The following OXR1 variants were observed in gnomAD, a reference collection of about 807,000 sequenced individuals.
OXR1 encodes oxidation resistance protein 1.
A neutral mutation model predicts 104.6 loss-of-function variants in OXR1; 41 were observed. The observed-to-expected ratio is 0.39, with a 90% confidence interval of 0.31 to 0.51. The LOEUF is 0.51. OXR1 is among the 20% of genes least tolerant of loss of function. OXR1 has a pLI of 0.77. For missense variants in OXR1, 955 were observed against 1,031.9 expected (o/e 0.93, Z 1.02); for synonymous variants, 348 against 348.4 (o/e 1.00, Z 0.01).
chr8:106,438,783 C>T (rs939008576), intron 2 of OXR1, among the ~76,000 whole-genome samples: 5 of 152,044 alleles, frequency 3.3e-5, no homozygotes, highest in Admixed American at 2.0e-4. Flanking sequence ...TGGTGCAGGA[C>T]GATATAGCTT....
intron 2 of OXR1, among the ~76,000 whole-genome samples, chr8:106,486,441 A>G (rs1322097720): frequency 6.6e-6 from 1 of 152,112 alleles, no homozygotes; most frequent in Non-Finnish European, 1.5e-5. Context: ...TCAAGAAGTA[A>G]GACATATTAA....
At chr8:106,635,992 C>CA (rs1823101650) in intron 3 of OXR1, among the ~76,000 whole-genome samples, 1 of 152,144 alleles carries the variant, frequency 6.6e-6, no homozygotes, top group African/African-American at 2.4e-5. Context: ...CCATTTGCGT[C>CA]AGATTTAATG....
At chr8:106,428,116 G>T (rs960233986) in intron 2 of OXR1, among the ~76,000 whole-genome samples, 4 of 152,124 alleles carry the variant, frequency 2.6e-5, no homozygotes, top group African/African-American at 4.8e-5. Flanking sequence ...TGAGTACTAG[G>T]TTTATTTTCC....
chr8:106,591,863 T>C (rs1819120307), intron 3 of OXR1, among the ~76,000 whole-genome samples: 1 of 152,246 alleles, frequency 6.6e-6, no homozygotes, highest in African/African-American at 2.4e-5. Flanking sequence ...TCACAGGATG[T>C]AATAACTTGA....
chr8:106,452,900 A>G (rs1266468253), intron 2 of OXR1, among the ~76,000 whole-genome samples: 1 of 137,026 alleles, frequency 7.3e-6, no homozygotes, highest in Non-Finnish European at 1.7e-5. Context: ...GATATCTTTT[A>G]ATAGATGTAA....
intron 11 of OXR1, among the ~76,000 whole-genome samples, chr8:106,722,787 C>CAG (rs2131468426): frequency 6.6e-6 from 1 of 152,268 alleles, no homozygotes; most frequent in South Asian, 2.1e-4. Context: ...ATGCATTTCT[C>CAG]AGAACATATC....
chr8:106,696,146 C>G lies in OXR1; in HGVS notation c.675+3269C>G, dbSNP rs560483040. On this transcript the variant is annotated intron_variant, in intron 7 of 16. Transcript: ENST00000517566. ...TCCTTCCCTTTCTTTCCCTGAACTC[C>G]TGATAATTAATGGTCGTCTTACTCT... 2.4e-4 allele frequency among the ~76,000 whole-genome samples: 36 copies of G among 152,244 alleles called. 1 individual carries two copies. The South Asian group carries it at 5.6e-3, about 24-fold the overall frequency.
chr8:106,653,921 A>G (rs1250301465), intron 3 of OXR1, among the ~76,000 whole-genome samples: 3 of 152,072 alleles, frequency 2.0e-5, no homozygotes, highest in African/African-American at 7.2e-5. Flanking sequence ...TCAAAAATCA[A>G]TTTTATTTCT....
intron 11 of OXR1, among the ~76,000 whole-genome samples, chr8:106,719,139 A>G (rs1832595245): frequency 6.6e-6 from 1 of 152,108 alleles, no homozygotes. Flanking sequence ...TGTTGTGAGG[A>G]TACTGTTTGA....
intron 2 of OXR1, among the ~76,000 whole-genome samples, chr8:106,407,719 G>C (rs558821154): frequency 6.6e-6 from 1 of 152,168 alleles, no homozygotes; most frequent in Admixed American, 6.6e-5. Flanking sequence ...GCAACTGTAC[G>C]TGTACAATTT....
chr8:106,688,586 A>T (rs2131270807), intron 6 of OXR1, among the ~76,000 whole-genome samples: 1 of 152,278 alleles, frequency 6.6e-6, no homozygotes, highest in East Asian at 1.9e-4. Flanking sequence ...TTTTACTTAA[A>T]GAGTGCTTAC....
intron 1 of OXR1, among the ~76,000 whole-genome samples, chr8:106,344,602 G>C (rs1815401673): frequency 6.6e-6 from 1 of 152,126 alleles, no homozygotes; most frequent in South Asian, 2.1e-4. Flanking sequence ...CTCCCAAAGT[G>C]GTGGGATTAC....
chr8:106,505,377 C>G (rs1046057728), intron 2 of OXR1, among the ~76,000 whole-genome samples: 1 of 152,180 alleles, frequency 6.6e-6, no homozygotes, highest in African/African-American at 2.4e-5. Context: ...TTGCAAAGCA[C>G]TGTATTGGAT....
At chr8:106,553,669 C>T (rs1467963825) in intron 3 of OXR1, among the ~76,000 whole-genome samples, 3 of 152,086 alleles carry the variant, frequency 2.0e-5, no homozygotes, top group African/African-American at 7.2e-5. Context: ...TTTTAAAAAT[C>T]ACCAAAACAT....
intron 10 of OXR1, among the ~76,000 whole-genome samples, chr8:106,711,130 T>A (rs28921428): frequency 0.011 from 1,609 of 152,196 alleles, 30 homozygotes; most frequent in African/African-American, 0.036. Context: ...TATTAAAAAT[T>A]CTTCAAATAT....
At chr8:106,363,749 C>T (rs964989074) in intron 2 of OXR1, among the ~76,000 whole-genome samples, 5 of 152,028 alleles carry the variant, frequency 3.3e-5, no homozygotes, top group African/African-American at 4.8e-5. Flanking sequence ...AGATAGCTTC[C>T]ACTTTTCTTT....
At chr8:106,493,189 A>G (rs1228449543) in intron 2 of OXR1, among the ~76,000 whole-genome samples, 1 of 152,166 alleles carries the variant, frequency 6.6e-6, no homozygotes, top group Non-Finnish European at 1.5e-5. Flanking sequence ...TGTTGCAACT[A>G]TATTACAATT....
chr8:106,453,528 A>C (rs568687370), intron 2 of OXR1, among the ~76,000 whole-genome samples: 1 of 152,150 alleles, frequency 6.6e-6, no homozygotes, highest in South Asian at 2.1e-4. Context: ...TAATTCAGGC[A>C]CTCATTATCT....
chr8:106,702,758 T>A, intron 7 of OXR1, 148 bp from the exon 8 acceptor site: 1 of 564,646 alleles, frequency 1.8e-6, no homozygotes, highest in Non-Finnish European at 2.9e-6. Flanking sequence ...TGGGTTTTAA[T>A]AAAAATGGTT....
Sources: gnomAD v4.1 joint callset for allele counts (sites outside exome capture counted in the v4.1 genomes callset) on GRCh38, gnomAD v4.1.1 for gene constraint, MANE v1.5 for transcripts, NCBI Gene and HGNC (gene_info 2026-07-23, HGNC 2026-07-21) for gene names.